Variants in EML6 observed in about 807,000 individuals in gnomAD.
The protein encoded by EML6 is echinoderm microtubule-associated protein-like 6.
In EML6, 154 loss-of-function variants were observed where a neutral mutation model predicts 240.1. That is an observed-to-expected ratio of 0.64 (90% CI 0.56 to 0.73). The LOEUF (loss-of-function observed/expected upper bound fraction) is 0.73. Ranked by LOEUF, EML6 falls within the 30% of genes least tolerant of loss-of-function variation. The pLI is 0.00. For missense variants in EML6, 2,964 were observed against 2,474.6 expected (o/e 1.20, Z -4.20); for synonymous variants, 1,148 against 899.0 (o/e 1.28, Z -4.95).
Position 54,774,830 on chromosome 2 carries a change from C to T in EML6, c.198-38402C>T, listed in dbSNP as rs549033786. On this transcript the variant is annotated intron_variant, in intron 2 of 41. Coordinates refer to ENST00000356458, the MANE Select transcript of EML6 (RefSeq NM_001039753.4). The surrounding 1 kb of genome is among the most constrained non-coding windows in gnomAD (Gnocchi z 4.1). The stretch of plus-strand genomic sequence containing the variant: ...GGATTGGTCTTTAGTCAATGCTTCT[C>T]CTAATGACTTGCATTAGAAAAGATA... 2.0e-5 allele frequency among the ~76,000 whole-genome samples: 3 copies of T among 152,302 alleles called. No individual in the cohort carries two copies. Among genetic ancestry groups the T allele is most frequent in the South Asian group, 2.1e-4 (1 of 4,826 alleles).
intron 1 of EML6, 113 bp downstream of exon 1, chr2:54,723,890 G>C (rs967370303): frequency 6.6e-6 from 1 of 152,376 alleles, no homozygotes; most frequent in Admixed American, 6.5e-5. Flanking sequence ...TCCTGAGGGC[G>C]GGCATCCCTC....
intron 24 of EML6, among the ~76,000 whole-genome samples, chr2:54,907,884 AGATAGAT>A (rs1202068020): frequency 3.5e-4 from 52 of 149,024 alleles, no homozygotes; most frequent in Admixed American, 3.2e-3. Context: ...CAGATAGATT[AGATAGAT>A]TAGATAGATT....
intron 28 of EML6, among the ~76,000 whole-genome samples, chr2:54,930,295 C>G (rs1406033160): frequency 1.3e-5 from 2 of 152,194 alleles, no homozygotes; most frequent in Non-Finnish European, 2.9e-5. Context: ...ATTTCAAACC[C>G]TAACCAAGGC....
intron 14 of EML6, chr2:54,868,027 T>C (rs1436729101): frequency 6.6e-6 from 1 of 152,204 alleles, no homozygotes; most frequent in East Asian, 1.9e-4. Context: ...TGAAAAAAGA[T>C]GTTCTGCATG....
chr2:54,811,756 G>C (rs535115017), intron 2 of EML6, among the ~76,000 whole-genome samples: 6 of 152,092 alleles, frequency 3.9e-5, no homozygotes, highest in Non-Finnish European at 8.8e-5. Flanking sequence ...CAGTTTTCTG[G>C]GACATCTAGG....
intron 2 of EML6, among the ~76,000 whole-genome samples, chr2:54,798,764 C>T (rs1669954797): frequency 6.6e-6 from 1 of 152,150 alleles, no homozygotes; most frequent in Admixed American, 6.5e-5. Flanking sequence ...ATTTTCCAAT[C>T]TTTATACCTT....
chr2:54,803,956 C>T (rs73935225), intron 2 of EML6, among the ~76,000 whole-genome samples: 5,513 of 152,262 alleles, frequency 0.036, 354 homozygotes, highest in African/African-American at 0.13. Flanking sequence ...TTGAATTCAA[C>T]AGTAGAATGA....
At chr2:54,782,603 G>A (rs1216829069) in intron 2 of EML6, among the ~76,000 whole-genome samples, 7 of 150,568 alleles carry the variant, frequency 4.6e-5, no homozygotes, top group Non-Finnish European at 7.4e-5. Flanking sequence ...TTTGTAACGA[G>A]TATCATGAAT....
intron 26 of EML6, among the ~76,000 whole-genome samples, chr2:54,920,569 AAGT>A (rs1674171052): frequency 6.6e-6 from 1 of 152,204 alleles, no homozygotes; most frequent in African/African-American, 2.4e-5. Flanking sequence ...GATTTCTCCC[AAGT>A]ATTTAAAGAA....
chr2:54,814,978 A>T (rs1668017500), intron 3 of EML6, among the ~76,000 whole-genome samples: 1 of 152,226 alleles, frequency 6.6e-6, no homozygotes, highest in African/African-American at 2.4e-5. Flanking sequence ...GAATAAACTG[A>T]AGTGAATCAG....
chr2:54,864,389 A>C (rs1253037203), intron 13 of EML6, among the ~76,000 whole-genome samples: 4 of 152,230 alleles, frequency 2.6e-5, no homozygotes, highest in African/African-American at 9.6e-5. Flanking sequence ...AATGTGTATT[A>C]ATCTCTCCAG....
chr2:54,748,802 A>G (rs969998646), intron 2 of EML6, among the ~76,000 whole-genome samples: 1 of 152,024 alleles, frequency 6.6e-6, no homozygotes, highest in Admixed American at 6.5e-5. Context: ...GCATCAAGCA[A>G]TCCTCCCACC....
intron 2 of EML6, among the ~76,000 whole-genome samples, chr2:54,810,963 G>A (rs1270428394): frequency 3.3e-5 from 5 of 152,176 alleles, no homozygotes; most frequent in Admixed American, 3.3e-4. Context: ...GCCAGGCTCT[G>A]TGAGTTACAA....
At chr2:54,962,229 T>C (rs1336620470) in intron 35 of EML6, among the ~76,000 whole-genome samples, 1 of 151,888 alleles carries the variant, frequency 6.6e-6, no homozygotes, top group Admixed American at 6.5e-5. Flanking sequence ...TTTTAAATTT[T>C]TTTAACTGTG....
At chr2:54,729,802 A>T (rs1377857264) in intron 2 of EML6, among the ~76,000 whole-genome samples, 1 of 152,236 alleles carries the variant, frequency 6.6e-6, no homozygotes, top group East Asian at 1.9e-4. Flanking sequence ...GAATATTTGA[A>T]GTAGATCATT....
rs766162942 is a variant in EML6, at chr2:54,954,042, C to T, written c.4372C>T (p.Arg1458Trp). The part of the protein sequence containing the change: ...AMTKHTLSML[R>W]CFHSKGVNYI... ...GACCAAACACACCCTCTCCATGCTG[C>T]GGTGCTTCCACTCCAAGGGGGTGAA... Residue 1458 changes from arginine to tryptophan, a missense_variant, in exon 32 of 42, where the codon CGG becomes TGG. Transcript: ENST00000356458. The T allele has an allele frequency of 1.9e-5, 30 of 1,551,876 alleles. No individual in the cohort carries two copies. Among genetic ancestry groups the T allele is most frequent in the Non-Finnish European group, 2.6e-5 (30 of 1,146,976 alleles).
intron 17 of EML6, chr2:54,882,206 C>T (rs557257694): frequency 6.6e-5 from 10 of 152,060 alleles, no homozygotes; most frequent in Admixed American, 2.6e-4. Context: ...ACAATTTCCC[C>T]GCATGCAATC....
chr2:54,731,297 C>G (rs1453253912), intron 2 of EML6, among the ~76,000 whole-genome samples: 3 of 152,096 alleles, frequency 2.0e-5, no homozygotes, highest in Non-Finnish European at 4.4e-5. Flanking sequence ...ACAAATATTC[C>G]ATTCAGTTAT....
intron 16 of EML6, among the ~76,000 whole-genome samples, chr2:54,877,297 C>T (rs1484733326): frequency 2.0e-5 from 3 of 152,050 alleles, no homozygotes; most frequent in Non-Finnish European, 2.9e-5. Context: ...ATCTTTATAG[C>T]TATATAACGT....
Sources: allele counts gnomAD v4.1 joint callset (sites outside exome capture counted in the v4.1 genomes callset), GRCh38; gene constraint gnomAD v4.1.1; non-coding constraint Gnocchi (gnomAD v3.1); transcripts MANE v1.5; gene names NCBI Gene and HGNC (gene_info 2026-07-23, HGNC 2026-07-21).